ARHGAP24: variants seen among roughly 807,000 people sequenced by gnomAD.
The protein encoded by ARHGAP24 is Rho GTPase activating protein 24, also known as rho GTPase-activating protein 24.
Under a neutral mutation model 76.4 loss-of-function variants are expected in ARHGAP24, and 50 were observed. The observed-to-expected ratio is 0.65, with a 90% CI of 0.52 to 0.83. ARHGAP24 has a LOEUF of 0.83. Among genes scored for constraint, ARHGAP24 ranks in the 40% least tolerant of loss-of-function variants. The probability of loss-of-function intolerance (pLI) is 0.00; values close to 1 mark genes in which losing one functional copy is unlikely to be tolerated. For synonymous variants in ARHGAP24, 345 were observed against 323.3 expected, an observed-to-expected ratio of 1.07 and a Z score of -0.72; for missense variants, 930 against 914.2, an observed-to-expected ratio of 1.02 and a Z score of -0.22.
At chr4:85,578,504 G>A (rs1727479722) in intron 2 of ARHGAP24, among the ~76,000 whole-genome samples, 1 of 152,218 alleles carries the variant, frequency 6.6e-6, no homozygotes, top group African/African-American at 2.4e-5. Flanking sequence ...CTGGGAGGCA[G>A]TTGAGTCCAC....
chr4:85,532,456 CTCTT>C (rs1481169863), intron 1 of ARHGAP24, among the ~76,000 whole-genome samples: 1 of 152,068 alleles, frequency 6.6e-6, no homozygotes, highest in East Asian at 1.9e-4. Flanking sequence ...ACAATTATGT[CTCTT>C]TCTATATAAT....
chr4:85,547,142 C>T (rs564128547), intron 1 of ARHGAP24, among the ~76,000 whole-genome samples: 93 of 152,248 alleles, frequency 6.1e-4, no homozygotes, highest in African/African-American at 2.2e-3. Context: ...TCTCCTTTCT[C>T]TGTTTGTTTT....
At chr4:85,914,479 T>G (rs907084318) in intron 3 of ARHGAP24, among the ~76,000 whole-genome samples, 2 of 152,200 alleles carry the variant, frequency 1.3e-5, no homozygotes, top group Non-Finnish European at 2.9e-5. Flanking sequence ...TTTGCTGTCA[T>G]CTTAGACGTA....
At chr4:85,613,309 G>C (rs1720454929) in intron 2 of ARHGAP24, among the ~76,000 whole-genome samples, 1 of 151,990 alleles carries the variant, frequency 6.6e-6, no homozygotes, top group South Asian at 2.1e-4. Flanking sequence ...ATTAATTTAG[G>C]ACGTACTTCG....
chr4:85,485,924 A>T (rs1723033870), intron 1 of ARHGAP24, among the ~76,000 whole-genome samples: 1 of 151,904 alleles, frequency 6.6e-6, no homozygotes, highest in South Asian at 2.1e-4. Context: ...TTTTCAGTAG[A>T]GACGGGGTTT....
At chr4:85,537,782 T>C (rs1725528633) in intron 1 of ARHGAP24, among the ~76,000 whole-genome samples, 1 of 152,154 alleles carries the variant, frequency 6.6e-6, no homozygotes, top group African/African-American at 2.4e-5. Flanking sequence ...AGAGACTGAT[T>C]TACATTTTGG....
intron 1 of ARHGAP24, among the ~76,000 whole-genome samples, chr4:85,489,138 GA>G (rs1475104903): frequency 6.6e-6 from 1 of 152,122 alleles, no homozygotes; most frequent in Non-Finnish European, 1.5e-5. Context: ...TCATGTGCCT[GA>G]AAAACAACAA....
chr4:85,981,034 T>G (rs2148859808), intron 8 of ARHGAP24, among the ~76,000 whole-genome samples: 1 of 152,298 alleles, frequency 6.6e-6, no homozygotes, highest in South Asian at 2.1e-4. Context: ...TATACGACCT[T>G]GAGAACACAT....
At chr4:85,960,844 A>G (rs1314664661) in intron 5 of ARHGAP24, among the ~76,000 whole-genome samples, 2 of 152,158 alleles carry the variant, frequency 1.3e-5, no homozygotes, top group African/African-American at 2.4e-5. Context: ...AAAATTTCAT[A>G]AAAACCACAG....
At chr4:85,730,576 A>AT (rs749745512) in intron 3 of ARHGAP24, among the ~76,000 whole-genome samples, 1 of 151,850 alleles carries the variant, frequency 6.6e-6, no homozygotes, top group Non-Finnish European at 1.5e-5. Flanking sequence ...TGCTCAGCTA[A>AT]TTTTTTTGTT....
intron 3 of ARHGAP24, among the ~76,000 whole-genome samples, chr4:85,826,087 G>A (rs1013261667): frequency 5.3e-5 from 8 of 152,126 alleles, no homozygotes; most frequent in Non-Finnish European, 1.2e-4. Flanking sequence ...TGTCTCATAA[G>A]ACGGGTGGCC....
intron 3 of ARHGAP24, among the ~76,000 whole-genome samples, chr4:85,782,036 C>CAAAAAAAAAATAA (rs1560630054): frequency 9.4e-6 from 1 of 106,656 alleles, no homozygotes; most frequent in South Asian, 2.8e-4. Context: ...GATTCTATCT[C>CAAAAAAAAAATAA]AAAAAAAAAA....
intron 2 of ARHGAP24, among the ~76,000 whole-genome samples, chr4:85,619,018 T>G (rs1007336259): frequency 1.3e-4 from 20 of 152,110 alleles, no homozygotes; most frequent in African/African-American, 4.8e-4. Context: ...GCTTTTGATG[T>G]CATATCTAAA....
intron 2 of ARHGAP24, among the ~76,000 whole-genome samples, chr4:85,675,502 G>T (rs1458317382): frequency 6.6e-6 from 1 of 152,156 alleles, no homozygotes; most frequent in Non-Finnish European, 1.5e-5. Context: ...AAAAGAACCT[G>T]GAAGGGTCTG....
chr4:85,721,324 G>A (rs1361000918), intron 2 of ARHGAP24, among the ~76,000 whole-genome samples: 2 of 151,836 alleles, frequency 1.3e-5, no homozygotes. Context: ...GAACCCGGAA[G>A]GCAGAGGTTG....
chr4:85,972,348 C>T (rs981539912), intron 6 of ARHGAP24, 180 bp downstream of exon 6: 2 of 730,348 alleles, frequency 2.7e-6, no homozygotes, highest in Non-Finnish European at 4.4e-6. Flanking sequence ...CCGATCCCCT[C>T]TCTGATCAAA....
At chr4:85,662,868 T>C (rs1315599338) in intron 2 of ARHGAP24, among the ~76,000 whole-genome samples, 6 of 152,290 alleles carry the variant, frequency 3.9e-5, no homozygotes, top group East Asian at 3.9e-4. Flanking sequence ...TTCTCTTCCA[T>C]TGACCTATAC....
chr4:85,505,114 T>C (rs577508184), intron 1 of ARHGAP24, among the ~76,000 whole-genome samples: 37 of 152,328 alleles, frequency 2.4e-4, no homozygotes, highest in Admixed American at 6.5e-4. Context: ...GGGCTTCCCT[T>C]TGTGAGTAAC....
At chr4:85,510,202 G>T (rs1472406795) in intron 1 of ARHGAP24, among the ~76,000 whole-genome samples, 2 of 152,104 alleles carry the variant, frequency 1.3e-5, no homozygotes, top group Non-Finnish European at 2.9e-5. Context: ...TAAAAAATGA[G>T]AGTTTTATAA....
Sources: gnomAD v4.1 joint callset for allele counts (sites outside exome capture counted in the v4.1 genomes callset) on GRCh38, gnomAD v4.1.1 for gene constraint, MANE v1.5 for transcripts, NCBI Gene and HGNC (gene_info 2026-07-23, HGNC 2026-07-21) for gene names.